TMEM144: variants seen among roughly 807,000 people sequenced by gnomAD.
The protein encoded by TMEM144 is transmembrane protein 144.
In TMEM144, 39 loss-of-function variants were observed where a neutral mutation model predicts 43.6. The ratio of observed to expected loss-of-function variants is 0.90; its 90% CI spans 0.69 to 1.17. The LOEUF (loss-of-function observed/expected upper bound fraction) is 1.17, where lower values mean the gene tolerates loss of function less well. TMEM144 is among the 50% of genes most tolerant of loss of function. TMEM144 has a pLI of 0.00. For synonymous variants in TMEM144, 154 were observed against 133.6 expected (o/e 1.15, Z -1.06); for missense variants, 417 against 411.9 (o/e 1.01, Z -0.11).
chr4:158,213,920 T>G (rs1231368621), intron 3 of TMEM144: 1 of 152,208 alleles, frequency 6.6e-6, no homozygotes, highest in Non-Finnish European at 1.5e-5. Flanking sequence ...ACAATTAGCT[T>G]TGTGATCCTG....
At position 158,237,027 on chromosome 4, in the gene TMEM144, G is replaced by A. The variant is rs373107761; in HGVS notation, c.564-498G>A. Among the ~76,000 whole-genome samples the A allele has an allele frequency of 2.6e-5, 4 of 152,130 alleles. 1 individual carries two copies. The highest frequency in any genetic ancestry group is 3.9e-4 in the East Asian group (2 of 5,194). On this transcript the variant is annotated intron_variant, in intron 8 of 12. Transcript: ENST00000296529. ...AGCACTTCTTCTTGACCATGGCATT[G>A]TCAACTAAGGCATAGGCAAGTTCGT... is the stretch of plus-strand genomic sequence containing the variant.
chr4:158,226,108 A>T (rs963298610), intron 6 of TMEM144, among the ~76,000 whole-genome samples: 4 of 152,220 alleles, frequency 2.6e-5, no homozygotes, highest in African/African-American at 9.6e-5. Flanking sequence ...TTAACCAGGC[A>T]TTTGCATCTT....
intron 6 of TMEM144, 106 bp from the exon 7 acceptor site, chr4:158,232,792 TATC>T: frequency 1.4e-6 from 1 of 725,052 alleles, no homozygotes; most frequent in Non-Finnish European, 2.3e-6. Context: ...GTAATCATTG[TATC>T]ATTAGGATCC....
chr4:158,229,304 G>C (rs1013146337), intron 6 of TMEM144, among the ~76,000 whole-genome samples: 3 of 152,178 alleles, frequency 2.0e-5, no homozygotes, highest in African/African-American at 7.2e-5. Context: ...CTATTCATCT[G>C]GTTTGCTCCC....
At chr4:158,229,963 C>CG (rs1179352958) in intron 6 of TMEM144, among the ~76,000 whole-genome samples, 4 of 152,152 alleles carry the variant, frequency 2.6e-5, no homozygotes, top group Admixed American at 6.5e-5. Flanking sequence ...TGCCCCTTCC[C>CG]CAAGGAGCTC....
intron 9 of TMEM144, among the ~76,000 whole-genome samples, chr4:158,238,373 T>C (rs1158610709): frequency 6.6e-6 from 1 of 151,872 alleles, no homozygotes; most frequent in African/African-American, 2.4e-5. Flanking sequence ...GTTAAAGAAG[T>C]TGAGATTTGA....
chr4:158,217,436 C>CT lies in TMEM144; in HGVS notation c.332+17dup. The CT allele has an allele frequency of 6.5e-7, 1 of 1,539,538 alleles. No individual in the cohort carries two copies. Among genetic ancestry groups the CT allele is most frequent in the Admixed American group, 1.7e-5 (1 of 59,504 alleles). On this transcript the variant is annotated intron_variant, in intron 5 of 12. Transcript: ENST00000296529. The stretch of plus-strand genomic sequence containing the variant: ...CAAGCTCAAGGTAATTCAAGTCAAA[C>CT]TAGTTCAACTAAGATTTCCTGCATC...
chr4:158,242,911 C>T (rs1735699002), intron 11 of TMEM144, among the ~76,000 whole-genome samples: 1 of 152,156 alleles, frequency 6.6e-6, no homozygotes, highest in South Asian at 2.1e-4. Context: ...TCTCCTTGGC[C>T]TGAATCAAAG....
intron 6 of TMEM144, among the ~76,000 whole-genome samples, chr4:158,222,836 G>A (rs1212626412): frequency 6.6e-6 from 1 of 152,174 alleles, no homozygotes; most frequent in Non-Finnish European, 1.5e-5. Context: ...AGGGAAGCTG[G>A]AAAGCTTGAA....
intron 10 of TMEM144, among the ~76,000 whole-genome samples, chr4:158,240,875 T>C (rs1735600627): frequency 6.6e-6 from 1 of 152,240 alleles, no homozygotes; most frequent in East Asian, 1.9e-4. Flanking sequence ...TACATGCTTT[T>C]GGATTTAATT....
intron 5 of TMEM144, among the ~76,000 whole-genome samples, chr4:158,218,230 G>A (rs1394008047): frequency 6.6e-6 from 1 of 152,126 alleles, no homozygotes; most frequent in African/African-American, 2.4e-5. Flanking sequence ...TAGCTAATAT[G>A]GGGAGAGGCT....
chr4:158,212,911 C>T, intron 3 of TMEM144, 135 bp downstream of exon 3: 1 of 740,698 alleles, frequency 1.4e-6, no homozygotes, highest in Non-Finnish European at 2.3e-6. Flanking sequence ...TAAAATTAGT[C>T]ATTTGACAGT....
intron 8 of TMEM144, 198 bp from the exon 9 acceptor site, chr4:158,237,327 G>T (rs1735399902): frequency 2.1e-6 from 1 of 478,210 alleles, no homozygotes; most frequent in Non-Finnish European, 3.7e-6. Context: ...GTGGACTGAA[G>T]CTGTCCTCCT....
chr4:158,231,765 C>CCAAT (rs1488712892), intron 6 of TMEM144, among the ~76,000 whole-genome samples: 41 of 151,774 alleles, frequency 2.7e-4, no homozygotes, highest in Non-Finnish European at 5.4e-4. Context: ...GGCATAGAAG[C>CCAAT]CAATACGAGG....
At position 158,247,257 on chromosome 4, in the gene TMEM144, A is replaced by G. The variant is rs549870656; in HGVS notation, c.954+2908A>G. Among the ~76,000 whole-genome samples the G allele has an allele frequency of 3.3e-5, 5 of 152,156 alleles. No homozygotes were observed. In the South Asian group the frequency reaches 1.0e-3, roughly 32 times the overall value. On this transcript the variant is annotated intron_variant, in intron 12 of 12. Coordinates refer to ENST00000296529, the MANE Select transcript of TMEM144 (RefSeq NM_018342.5). Reference sequence around the variant, plus strand: ...TGTCTATCAAAACAAAATAGCAATTATATACCTGAGTTTCATGAAACATAA... The same window carrying G: ...TGTCTATCAAAACAAAATAGCAATTGTATACCTGAGTTTCATGAAACATAA...
intron 4 of TMEM144, among the ~76,000 whole-genome samples, chr4:158,216,691 A>G (rs1734239555): frequency 1.3e-5 from 2 of 152,150 alleles, no homozygotes; most frequent in East Asian, 1.9e-4. Context: ...TTTAGGGGGT[A>G]CCTTATTCCA....
In TMEM144 at chr4:158,240,150, G is replaced by C. The variant is rs561626545; in HGVS notation, c.683-149G>C. On this transcript the variant is annotated intron_variant, in intron 9 of 12. Coordinates refer to ENST00000296529, the MANE Select transcript of TMEM144 (RefSeq NM_018342.5). ...TCCACCCGGCTCGGCCTCCCAAAGT[G>C]CTAGGATTACAGGTGTGAGCCACTG... The C allele has an allele frequency of 9.6e-6, 8 of 835,676 alleles. No homozygotes were observed. The African/African-American group carries it at 1.0e-4, about 11-fold the overall frequency. 51.8% of individuals were successfully genotyped at this position (835,676 alleles called of 1,614,324 possible).
At chr4:158,224,792 G>A (rs938035278) in intron 6 of TMEM144, among the ~76,000 whole-genome samples, 8 of 152,104 alleles carry the variant, frequency 5.3e-5, no homozygotes, top group South Asian at 2.1e-4. Context: ...AGGGCTTGTC[G>A]TCTTCTTCAG....
At position 158,215,279 on chromosome 4, in the gene TMEM144, T is replaced by G. The variant is rs778489208; in HGVS notation, c.198T>G (p.Pro66=). ...TATTACATTGTCCAAAGTTTTGGCC[T>G]TTTGCAATGCTTGGGGGCTGCATTT... The part of the protein sequence containing the change: ...NLILHCPKFW[P]FAMLGGCIWA... The change falls in exon 4 of 13, where the codon CCT becomes CCG. Residue 66 remains proline, a synonymous_variant. Transcript: ENST00000296529. 6.2e-7 allele frequency: 1 copy of G among 1,613,710 alleles called. No homozygotes were observed. Among genetic ancestry groups the G allele is most frequent in the African/African-American group, 1.3e-5 (1 of 74,926 alleles).
Sources: allele counts gnomAD v4.1 joint callset (sites outside exome capture counted in the v4.1 genomes callset), GRCh38; gene constraint gnomAD v4.1.1; transcripts MANE v1.5; gene names NCBI Gene and HGNC (gene_info 2026-07-23, HGNC 2026-07-21).